The following GRIN2A variants were observed in gnomAD, a reference collection of about 807,000 sequenced individuals.
The protein encoded by GRIN2A is glutamate receptor ionotropic, NMDA 2A.
Under a neutral mutation model 113.4 loss-of-function variants are expected in GRIN2A, and 22 were observed. That is an observed-to-expected ratio of 0.19 (90% CI 0.14 to 0.28). GRIN2A has a LOEUF of 0.28. GRIN2A is among the 10% of genes least tolerant of loss of function. GRIN2A has a pLI of 1.00. For missense variants in GRIN2A, 1,502 were observed against 1,887.0 expected (o/e 0.80, Z 3.78); for synonymous variants, 827 against 738.4 (o/e 1.12, Z -1.94).
intron 2 of GRIN2A, among the ~76,000 whole-genome samples, chr16:9,975,068 A>C (rs2045748578): frequency 6.6e-6 from 1 of 152,228 alleles, no homozygotes; most frequent in South Asian, 2.1e-4. Context: ...TATAGGAATT[A>C]AAGTATTAAA....
chr16:9,839,010 C>T (rs918220886), intron 7 of GRIN2A, among the ~76,000 whole-genome samples: 2 of 152,086 alleles, frequency 1.3e-5, no homozygotes, highest in Non-Finnish European at 2.9e-5. Flanking sequence ...CTATATAATT[C>T]GTCCATATAA....
chr16:9,850,144 G>C (rs1683333822), intron 4 of GRIN2A, among the ~76,000 whole-genome samples, 183 bp from the exon 5 acceptor site: 1 of 152,204 alleles, frequency 6.6e-6, no homozygotes, highest in Non-Finnish European at 1.5e-5. Context: ...ATATAGGGCA[G>C]TTCTCCATCC....
intron 2 of GRIN2A, among the ~76,000 whole-genome samples, chr16:10,147,105 C>G (rs2049456326): frequency 6.6e-6 from 1 of 152,050 alleles, no homozygotes; most frequent in Admixed American, 6.5e-5. Flanking sequence ...TATTCACCAA[C>G]TCACTCAGCA....
chr16:10,049,626 G>C (rs1018444865), intron 2 of GRIN2A, among the ~76,000 whole-genome samples: 1 of 152,122 alleles, frequency 6.6e-6, no homozygotes, highest in East Asian at 1.9e-4. Context: ...TGATCCACCC[G>C]CCTTGGCCTC....
At chr16:10,179,826 C>T in intron 2 of GRIN2A, 172 bp downstream of exon 2, 1 of 664,574 alleles carries the variant, frequency 1.5e-6, no homozygotes, top group East Asian at 2.7e-5. Flanking sequence ...CCATTCATTT[C>T]TGGGTTGGAG....
At chr16:9,968,323 T>G (rs918829037) in intron 2 of GRIN2A, among the ~76,000 whole-genome samples, 3 of 152,092 alleles carry the variant, frequency 2.0e-5, no homozygotes, top group Non-Finnish European at 2.9e-5. Flanking sequence ...TACGTATGTA[T>G]GTATTTAGAG....
chr16:9,853,820 C>T (rs2042923470), intron 4 of GRIN2A, among the ~76,000 whole-genome samples: 1 of 152,034 alleles, frequency 6.6e-6, no homozygotes, highest in African/African-American at 2.4e-5. Flanking sequence ...ATAATTAGTA[C>T]TCATGACCAA....
At chr16:9,771,357 TG>T (rs1901262807) in intron 11 of GRIN2A, among the ~76,000 whole-genome samples, 1 of 152,164 alleles carries the variant, frequency 6.6e-6, no homozygotes, top group Non-Finnish European at 1.5e-5. Flanking sequence ...TTTATTCTTT[TG>T]TTGGTAATAT....
At chr16:10,118,001 A>G (rs567185713) in intron 2 of GRIN2A, among the ~76,000 whole-genome samples, 4 of 152,256 alleles carry the variant, frequency 2.6e-5, no homozygotes, top group African/African-American at 7.2e-5. Flanking sequence ...TGCAGAGATG[A>G]GCACATGGCA....
intron 2 of GRIN2A, among the ~76,000 whole-genome samples, chr16:10,104,582 T>C (rs1341703862): frequency 1.6e-4 from 25 of 151,628 alleles, no homozygotes; most frequent in Non-Finnish European, 3.5e-4. Flanking sequence ...TTTTACGTGG[T>C]TATGGGAAGG....
Position 9,756,766 on chromosome 16 carries a change from G to A in GRIN2A, c.*6383C>T, listed in dbSNP as rs1435102364. ...GTGCAGATCCATGGCAAGTACTTGC[G>A]ATAAGCAGAAAATGTAACATTCCAA... On this transcript the variant is annotated 3_prime_UTR_variant, in exon 13 of 13. Coordinates refer to ENST00000330684, the MANE Select transcript of GRIN2A (RefSeq NM_001134407.3). 4 of 182,420 alleles carry A rather than the reference G, an allele frequency of 2.2e-5. No homozygotes were observed. The highest frequency in any genetic ancestry group is 9.0e-5 in the East Asian group (1 of 11,140). 11.3% of individuals were successfully genotyped at this position (182,420 alleles called of 1,614,324 possible).
At position 10,127,657 on chromosome 16, in the gene GRIN2A, C is replaced by G. The variant is rs116055453; in HGVS notation, c.414+52341G>C. Among the ~76,000 whole-genome samples, 1,413 of 152,298 alleles carry G rather than the reference C, an allele frequency of 9.3e-3. 26 individuals carry two copies. The highest frequency in any genetic ancestry group is 0.032 in the African/African-American group (1,346 of 41,558). ...TCCTTCACCACTGTATCCCTAGCAA[C>G]TAGCACAGAGCCTGGCACCTAGCTC... is the stretch of plus-strand genomic sequence containing the variant. On this transcript the variant is annotated intron_variant, in intron 2 of 12. Transcript: ENST00000330684.
chr16:10,047,737 A>G (rs1277086445), intron 2 of GRIN2A, among the ~76,000 whole-genome samples: 1 of 152,198 alleles, frequency 6.6e-6, no homozygotes, highest in Non-Finnish European at 1.5e-5. Flanking sequence ...GAGAGTTAAT[A>G]TATCCTTTTC....
At chr16:9,975,388 C>G (rs571873310) in intron 2 of GRIN2A, among the ~76,000 whole-genome samples, 1 of 152,250 alleles carries the variant, frequency 6.6e-6, no homozygotes, top group African/African-American at 2.4e-5. Context: ...CAGCTGGAGT[C>G]AGAGAAGTAG....
At chr16:9,891,913 C>A (rs1414248376) in intron 3 of GRIN2A, among the ~76,000 whole-genome samples, 1 of 152,026 alleles carries the variant, frequency 6.6e-6, no homozygotes, top group African/African-American at 2.4e-5. Context: ...ATTTTAGAGA[C>A]CATGTTAAAT....
chr16:9,873,771 A>C (rs535267175), intron 4 of GRIN2A, among the ~76,000 whole-genome samples: 73 of 152,324 alleles, frequency 4.8e-4, no homozygotes, highest in African/African-American at 1.4e-3. Context: ...TCTGATACCC[A>C]AAACTAATTG....
Position 9,979,785 on chromosome 16 carries a change from C to CTATATATATATATA in GRIN2A, c.415-41248_415-41235dup, listed in dbSNP as rs71157796. Among the ~76,000 whole-genome samples the CTATATATATATATA allele has an allele frequency of 5.7e-3, 697 of 122,160 alleles. 6 individuals are homozygous for CTATATATATATATA. The highest frequency in any genetic ancestry group is 9.4e-3 in the Middle Eastern group (2 of 212). 80.1% of individuals were successfully genotyped at this position (122,160 alleles called of 152,430 possible). Reference sequence around the variant, plus strand: ...TATATACATATAAGGGACTATGGGACTATATATATATATATATATATATAT... The same window carrying CTATATATATATATA: ...TATATACATATAAGGGACTATGGGACTATATATATATATATATATATATATATATATATATATAT... On this transcript the variant is annotated intron_variant, in intron 2 of 12. Coordinates refer to ENST00000330684, the MANE Select transcript of GRIN2A (RefSeq NM_001134407.3).
chr16:10,005,817 G>A (rs2046395922), intron 2 of GRIN2A, among the ~76,000 whole-genome samples: 1 of 152,132 alleles, frequency 6.6e-6, no homozygotes. Flanking sequence ...GACAAAAAGG[G>A]GAAGTTTTCA....
intron 2 of GRIN2A, among the ~76,000 whole-genome samples, chr16:10,090,889 T>C (rs1227549665): frequency 1.3e-5 from 2 of 152,128 alleles, no homozygotes; most frequent in Non-Finnish European, 1.5e-5. Context: ...CTATACTCAA[T>C]AGTTATTTCA....
Sources: allele counts gnomAD v4.1 joint callset (sites outside exome capture counted in the v4.1 genomes callset), GRCh38; gene constraint gnomAD v4.1.1; transcripts MANE v1.5; gene names NCBI Gene and HGNC (gene_info 2026-07-23, HGNC 2026-07-21).